Variants in REPS2 observed in about 807,000 individuals in gnomAD.
REPS2 encodes ralBP1-associated Eps domain-containing protein 2.
A neutral mutation model predicts 53.6 loss-of-function variants in REPS2; 23 were observed. The ratio of observed to expected loss-of-function variants is 0.43; its 90% confidence interval spans 0.31 to 0.61. The LOEUF (loss-of-function observed/expected upper bound fraction) is 0.61, where lower values mean the gene tolerates loss of function less well. Ranked by LOEUF, REPS2 falls within the 20% of genes least tolerant of loss-of-function variation. REPS2 has a pLI of 0.11. For missense variants in REPS2, 446 were observed against 534.9 expected (o/e 0.83, Z 1.64); for synonymous variants, 238 against 218.6 (o/e 1.09, Z -0.78).
intron 11 of REPS2, among the ~76,000 whole-genome samples, chrX:17,073,846 T>C (rs1461909331): frequency 1.9e-5 from 2 of 107,857 alleles, no homozygotes; most frequent in Non-Finnish European, 3.8e-5. Context: ...TATACTGGAA[T>C]GTCTTCATTA....
intron 7 of REPS2, among the ~76,000 whole-genome samples, 180 bp downstream of exon 7, chrX:17,052,625 A>G (rs1210674402): frequency 1.8e-5 from 2 of 112,570 alleles, no homozygotes; most frequent in African/African-American, 6.5e-5. Context: ...AAGTACAATG[A>G]ACAATGTCTG....
intron 2 of REPS2, among the ~76,000 whole-genome samples, chrX:17,011,782 T>C (rs770165724): frequency 1.8e-5 from 2 of 110,173 alleles, no homozygotes; most frequent in African/African-American, 3.3e-5. Context: ...GCCAGCATGG[T>C]GAAACCTTGT....
the REPS2 span, among the ~76,000 whole-genome samples, chrX:17,166,362 G>A: frequency 8.9e-6 from 1 of 111,965 alleles, no homozygotes; most frequent in Non-Finnish European, 1.9e-5. Context: ...AAGTGCAGTT[G>A]TTTCATTGCT....
chrX:17,158,098 A>G (rs996288273), downstream of REPS2, among the ~76,000 whole-genome samples: 2 of 111,898 alleles, frequency 1.8e-5, no homozygotes, highest in African/African-American at 6.5e-5. Context: ...CTTTTGTGTT[A>G]TTTTTTAGTT....
chrX:17,171,903 T>C, the REPS2 span, among the ~76,000 whole-genome samples: 3 of 111,193 alleles, frequency 2.7e-5, no homozygotes, highest in Non-Finnish European at 5.7e-5. Flanking sequence ...GACTGAAATA[T>C]TGGCCACCCC....
the REPS2 span, among the ~76,000 whole-genome samples, chrX:17,159,652 C>G: frequency 2.7e-5 from 3 of 111,610 alleles, no homozygotes; most frequent in Non-Finnish European, 5.7e-5. Context: ...CCCAGCCCCC[C>G]AATGCACATC....
intron 17 of REPS2, among the ~76,000 whole-genome samples, chrX:17,140,597 T>C (rs1390977722): frequency 9.0e-6 from 1 of 110,837 alleles, no homozygotes; most frequent in Non-Finnish European, 1.9e-5. Context: ...ATCTTATTTT[T>C]GACATATTTT....
In REPS2 at chrX:17,054,842, A is replaced by G; in HGVS notation, c.1006A>G (p.Thr336Ala). ...TGATGCTGACTGTGATGGAGCCCTG[A>G]CCCTGCCTGAGTTCTGTGCTGCGTT... Reference protein sequence around the residue: ...LSDADCDGALTLPEFCAAFHL... With the variant: ...LSDADCDGALALPEFCAAFHL... Residue 336 changes from threonine to alanine, a missense_variant, in exon 8 of 18, where the codon ACC (threonine) becomes GCC (alanine). Physicochemically the swap from Thr to Ala is moderately conservative, Grantham distance 58. Coordinates refer to ENST00000357277, the MANE Select transcript of REPS2 (RefSeq NM_004726.3). The G allele has an allele frequency of 8.3e-7, 1 of 1,211,112 alleles. No individual in the cohort carries two copies. Among genetic ancestry groups the G allele is most frequent in the Non-Finnish European group, 1.1e-6 (1 of 895,211 alleles).
chrX:17,160,271 T>C, the REPS2 span, among the ~76,000 whole-genome samples: 2 of 112,344 alleles, frequency 1.8e-5, no homozygotes, highest in Non-Finnish European at 3.8e-5. Context: ...AACCAGTACT[T>C]GATGATTTGG....
At chrX:17,113,926 T>C (rs1204112613) in intron 14 of REPS2, among the ~76,000 whole-genome samples, 1 of 112,287 alleles carries the variant, frequency 8.9e-6, no homozygotes, top group Non-Finnish European at 1.9e-5. Context: ...ATAAGAACAA[T>C]ACAGACCACC....
the REPS2 span, among the ~76,000 whole-genome samples, chrX:17,194,875 A>C: frequency 2.7e-5 from 3 of 112,389 alleles, no homozygotes; most frequent in Admixed American, 2.8e-4. Context: ...TTATGACTTC[A>C]TCTAAATTGA....
At chrX:16,951,554 C>CAA (rs1569083813) in intron 1 of REPS2, among the ~76,000 whole-genome samples, 100 of 30,029 alleles carry the variant, frequency 3.3e-3, no homozygotes, top group Admixed American at 6.3e-3. Context: ...CACACACACA[C>CAA]ACACACCCCC....
In REPS2 at chrX:17,005,287, G is replaced by C. The variant is rs1168714821; in HGVS notation, c.274-934G>C. ...CATTGAAGAGAAGACATTTTAATGG[G>C]AGGCAGAGATAAACAGATAATTAAT... On this transcript the variant is annotated intron_variant, in intron 1 of 17. Coordinates refer to ENST00000357277, the MANE Select transcript of REPS2 (RefSeq NM_004726.3). 2.7e-5 allele frequency among the ~76,000 whole-genome samples: 3 copies of C among 111,219 alleles called. No individual in the cohort carries two copies. In the East Asian group the frequency reaches 8.4e-4, roughly 31 times the overall value.
chrX:16,954,342 C>T (rs2060563900), intron 1 of REPS2, among the ~76,000 whole-genome samples: 1 of 112,086 alleles, frequency 8.9e-6, no homozygotes, highest in Non-Finnish European at 1.9e-5. Context: ...ACTTGCCACT[C>T]AGGCCCAACA....
At chrX:17,142,458 A>G in intron 17 of REPS2, among the ~76,000 whole-genome samples, 1 of 112,039 alleles carries the variant, frequency 8.9e-6, no homozygotes, top group Non-Finnish European at 1.9e-5. Flanking sequence ...TTGATAAAAG[A>G]CTTATATCTC....
rs988515141 is a variant in REPS2 at position 17,151,771 on chromosome X, G to T, written c.*4290G>T. On this transcript the variant is annotated 3_prime_UTR_variant, in exon 18 of 18. Coordinates refer to ENST00000357277, the MANE Select transcript of REPS2 (RefSeq NM_004726.3). The stretch of plus-strand genomic sequence containing the variant: ...TTTAAAGAGAACACTAGTAATTCTG[G>T]TTTTTCTTTCTAACTGCTTTACTGT... The T allele has an allele frequency of 9.0e-6, 1 of 111,581 alleles. No homozygotes were observed. Among genetic ancestry groups the T allele is most frequent in the East Asian group, 2.8e-4 (1 of 3,562 alleles). The allele number at this position is 111,581 out of a possible 1,213,427, so 9.2% of individuals were successfully genotyped here. A position where few individuals can be genotyped will look rare whatever the true frequency, so the allele number is the denominator to read the frequency against.
chrX:16,999,851 C>A (rs1397708992), intron 1 of REPS2, among the ~76,000 whole-genome samples: 2 of 106,572 alleles, frequency 1.9e-5, no homozygotes, highest in East Asian at 5.8e-4. Context: ...TCGAGACCAT[C>A]CCGGCTAAAA....
rs1187325832 is a variant in REPS2 at position 17,152,410 on chromosome X, A to G, written c.*4929A>G. 1 of 112,091 alleles carries G rather than the reference A, an allele frequency of 8.9e-6. No individual in the cohort carries two copies. The highest frequency in any genetic ancestry group is 1.9e-5 in the Non-Finnish European group (1 of 53,174). 9.2% of individuals were successfully genotyped at this position (112,091 alleles called of 1,213,427 possible). ...CCTTGCTCTGCTGTCAACAATTGGG[A>G]AATGCTCATTTTTTCATGTTTTGTG... On this transcript the variant is annotated 3_prime_UTR_variant, in exon 18 of 18. Coordinates refer to ENST00000357277, the MANE Select transcript of REPS2 (RefSeq NM_004726.3).
At chrX:17,128,444 G>A (rs112453309) in intron 14 of REPS2, among the ~76,000 whole-genome samples, 2,742 of 110,970 alleles carry the variant, frequency 0.025, 90 homozygotes, top group African/African-American at 0.087. Flanking sequence ...TTGAGAATAA[G>A]TCTCTAGAGA....
Sources: allele counts gnomAD v4.1 joint callset (sites outside exome capture counted in the v4.1 genomes callset), GRCh38; gene constraint gnomAD v4.1.1; transcripts MANE v1.5; gene names NCBI Gene and HGNC (gene_info 2026-07-23, HGNC 2026-07-21).